Variants in DNAJC13 observed in about 807,000 individuals in gnomAD.
DNAJC13 encodes dnaJ homolog subfamily C member 13.
In DNAJC13, 75 loss-of-function variants were observed where a neutral mutation model predicts 290.5. The ratio of observed to expected loss-of-function variants is 0.26; its 90% CI spans 0.21 to 0.31. The LOEUF is 0.31. Ranked by LOEUF, DNAJC13 falls within the 10% of genes least tolerant of loss-of-function variation. The probability of loss-of-function intolerance (pLI) is 1.00; values close to 1 mark genes in which losing one functional copy is unlikely to be tolerated. For missense variants in DNAJC13, 2,260 were observed against 2,674.5 expected (o/e 0.85, Z 3.42); for synonymous variants, 862 against 892.0 (o/e 0.97, Z 0.60).
intron 1 of DNAJC13, among the ~76,000 whole-genome samples, chr3:132,429,401 C>A (rs1443152537): frequency 2.6e-5 from 4 of 151,972 alleles, no homozygotes; most frequent in Non-Finnish European, 5.9e-5. Context: ...CTGGCCCAAT[C>A]GCTTACCAGC....
At position 132,526,153 on chromosome 3, in the gene DNAJC13, G is replaced by A. The variant is rs759120753; in HGVS notation, c.6253G>A (p.Ala2085Thr). The part of the protein sequence containing the change: ...ALSENELCVR[A>T]MASLETIGPL... ...TTTGGGCACTTAGCTGTGTGTTCGA[G>A]CCATGGCATCTTTAGAGACCATTGG... Residue 2085 changes from alanine to threonine, a missense_variant, in exon 53 of 56, where the codon GCC (alanine) becomes ACC (threonine). By Grantham distance (58) the Ala-to-Thr change is moderately conservative (BLOSUM62 0). Coordinates refer to ENST00000260818, the MANE Select transcript of DNAJC13 (RefSeq NM_015268.4). 3.1e-6 allele frequency: 5 copies of A among 1,614,006 alleles called. No individual in the cohort carries two copies. The highest frequency in any genetic ancestry group is 1.7e-4 in the Middle Eastern group (1 of 6,060).
chr3:132,462,445 CT>C, intron 15 of DNAJC13, 21 bp from the exon 16 acceptor site: 4 of 1,601,702 alleles, frequency 2.5e-6, no homozygotes, highest in South Asian at 1.1e-5. Context: ...TTTTTTGATA[CT>C]TTTTCCCCCT....
At chr3:132,500,530 T>C (rs2107717988) in intron 38 of DNAJC13, among the ~76,000 whole-genome samples, 1 of 152,320 alleles carries the variant, frequency 6.6e-6, no homozygotes, top group East Asian at 1.9e-4. Context: ...CTAAAAACCA[T>C]TCTTAGCTCT....
rs779465430 is a variant in DNAJC13, at chr3:132,514,618, T to C, written c.5433T>C (p.Ala1811=). The change falls in exon 46 of 56, where the codon GCT becomes GCC. Residue 1811 remains alanine (A), a synonymous_variant. Transcript: ENST00000260818. ...ACCAAGACTGTGTCAACAATATTGC[T>C]GAATCAATGGTTTTGTCCAGTTTAT... ...TSNQDCVNNI[A]ESMVLSSLLA... The C allele has an allele frequency of 1.2e-6, 2 of 1,612,082 alleles. No homozygotes were observed. Among genetic ancestry groups the C allele is most frequent in the Non-Finnish European group, 8.5e-7 (1 of 1,179,042 alleles).
intron 29 of DNAJC13, among the ~76,000 whole-genome samples, chr3:132,487,517 A>G (rs1934916790): frequency 6.9e-6 from 1 of 145,348 alleles, no homozygotes; most frequent in South Asian, 2.1e-4. Flanking sequence ...CAGGCCCCCA[A>G]AGTGCTGGGA....
In DNAJC13 at chr3:132,492,613, C is replaced by G. The variant is rs1488445415; in HGVS notation, c.3823C>G (p.Pro1275Ala). 2.5e-6 allele frequency: 4 copies of G among 1,612,844 alleles called. No individual in the cohort carries two copies. In the Admixed American group the frequency reaches 6.7e-5, roughly 27 times the overall value. ...LRFPDWPIKD[P>A]VKLLKDTLDA... ...GTTTCCAGATTGGCCAATTAAAGAC[C>G]CGGTAAGTCAGCAGTTTAATTTGTG... Residue 1275 changes from proline to alanine, a missense_variant and splice_region_variant, in exon 33 of 56, where the codon CCG becomes GCG. Coordinates refer to ENST00000260818, the MANE Select transcript of DNAJC13 (RefSeq NM_015268.4).
rs773114713 is a variant in DNAJC13, at chr3:132,483,536, A to G, written c.3141A>G (p.Ile1047Met). 7.4e-6 allele frequency: 12 copies of G among 1,614,078 alleles called. No individual in the cohort carries two copies. The highest frequency in any genetic ancestry group is 9.3e-6 in the Non-Finnish European group (11 of 1,179,978). ...VLNETDLATL[I>M]LNMLITMCGY... ...ATGAAACTGACCTTGCTACCCTTAT[A>G]TTGAACATGTTGATCACAATGTGTG... The change falls in exon 28 of 56, where the codon ATA becomes ATG. Residue 1047 changes from isoleucine (I) to methionine (M), a missense_variant. Physicochemically the swap from Ile to Met is conservative, Grantham distance 10. Transcript: ENST00000260818.
rs770759640 is a variant in DNAJC13, at chr3:132,502,289, A to C, written c.4537A>C (p.Ser1513Arg). The C allele has an allele frequency of 1.2e-6, 2 of 1,607,356 alleles. No individual in the cohort carries two copies. The highest frequency in any genetic ancestry group is 1.4e-5 in the African/African-American group (1 of 73,832). Residue 1513 changes from serine (S) to arginine (R), a missense_variant and splice_region_variant, in exon 40 of 56, where the codon AGT becomes CGT. By Grantham distance (110) the Ser-to-Arg change is moderately radical. This residue lies in a region of DNAJC13 where 1,494 missense variants were observed against 1,693.7 expected (regional missense o/e 0.88). Transcript: ENST00000260818. ...DLCRVLYFGK[S>R]IPRVAALGVE... ...AATGCTCTCATTTTTATTCTCTCAG[A>C]GTATTCCCCGCGTAGCTGCTCTTGG...
At chr3:132,495,262 C>T (rs2107712503) in intron 35 of DNAJC13, 96 bp downstream of exon 35, 1 of 922,232 alleles carries the variant, frequency 1.1e-6, no homozygotes, top group East Asian at 2.6e-5. Flanking sequence ...CCAGTATCTG[C>T]CTCATAATAT....
chr3:132,493,835 G>T (rs931467350), intron 33 of DNAJC13, among the ~76,000 whole-genome samples: 7 of 151,802 alleles, frequency 4.6e-5, no homozygotes, highest in African/African-American at 7.3e-5. Context: ...CACCCGTAAA[G>T]ATAACATGTA....
At chr3:132,523,074 C>G in intron 49 of DNAJC13, 77 bp downstream of exon 49, 1 of 1,602,578 alleles carries the variant, frequency 6.2e-7, no homozygotes, top group Non-Finnish European at 8.5e-7. Flanking sequence ...TTACTGTGCC[C>G]ATCACCTCTA....
Position 132,488,438 on chromosome 3 carries a change from G to C in DNAJC13, c.3408G>C (p.Val1136=), listed in dbSNP as rs750412571. The C allele has an allele frequency of 1.2e-6, 2 of 1,608,930 alleles. No homozygotes were observed. The highest frequency in any genetic ancestry group is 2.2e-5 in the South Asian group (2 of 89,866). ...FFIMMYTGSN[V]LPVARFLKYT... The stretch of plus-strand genomic sequence containing the variant: ...TCATGATGTACACAGGTTCCAATGT[G>C]CTTCCTGTTGCTCGGTAAGAACTTT... The change falls in exon 30 of 56, where the codon GTG becomes GTC. Residue 1136 remains valine (V), a synonymous_variant. Coordinates refer to ENST00000260818, the MANE Select transcript of DNAJC13 (RefSeq NM_015268.4).
At chr3:132,526,649 A>G (rs1181862223) in intron 53 of DNAJC13, among the ~76,000 whole-genome samples, 2 of 152,170 alleles carry the variant, frequency 1.3e-5, no homozygotes, top group Non-Finnish European at 2.9e-5. Context: ...AATGTGCTTC[A>G]TCCTCTTTGG....
chr3:132,497,049 C>G (rs1935255999), intron 36 of DNAJC13, among the ~76,000 whole-genome samples: 2 of 152,200 alleles, frequency 1.3e-5, no homozygotes, highest in South Asian at 4.1e-4. Flanking sequence ...TTAAAAGCCT[C>G]TGAAGGTTAA....
At position 132,494,619 on chromosome 3, in the gene DNAJC13, C is replaced by A. The variant is rs367630339; in HGVS notation, c.3941+360C>A. Among the ~76,000 whole-genome samples the A allele has an allele frequency of 3.7e-4, 57 of 152,196 alleles. No individual in the cohort carries two copies. In the South Asian group the frequency reaches 8.7e-3, roughly 23 times the overall value. On this transcript the variant is annotated intron_variant, in intron 34 of 55. Transcript: ENST00000260818. Reference sequence around the variant, plus strand: ...AGATTTGATAGCAATATGCCTAGGACACCAAATGACAGATTATGAAAGAAT... The same window carrying A: ...AGATTTGATAGCAATATGCCTAGGAAACCAAATGACAGATTATGAAAGAAT...
Position 132,516,142 on chromosome 3 carries a change from A to G in DNAJC13, c.5486-280A>G, listed in dbSNP as rs3762673. On this transcript the variant is annotated intron_variant, in intron 46 of 55. Coordinates refer to ENST00000260818, the MANE Select transcript of DNAJC13 (RefSeq NM_015268.4). ...GCAGTGCACAATGAGGTAGGAAGAC[A>G]GGGTTTTATAGTGGTTATGAATATG... is the stretch of plus-strand genomic sequence containing the variant. Among the ~76,000 whole-genome samples, 93,748 of 152,106 alleles carry G rather than the reference A, an allele frequency of 0.62. 31,699 individuals are homozygous for G. Among genetic ancestry groups the G allele is most frequent in the East Asian group, 0.9 (4,672 of 5,176 alleles).
At chr3:132,458,061 A>G (rs1933674377) in intron 13 of DNAJC13, 2 of 152,292 alleles carry the variant, frequency 1.3e-5, no homozygotes, top group South Asian at 4.1e-4. Flanking sequence ...GGAGAATAGA[A>G]GTAAAATTAG....
At chr3:132,454,559 C>T (rs752611868) in intron 9 of DNAJC13, among the ~76,000 whole-genome samples, 45 of 151,664 alleles carry the variant, frequency 3.0e-4, no homozygotes, top group Non-Finnish European at 4.9e-4. Flanking sequence ...AGGCTGGTCT[C>T]GAACTCCTGA....
At chr3:132,514,538 G>C in intron 45 of DNAJC13, 33 bp from the exon 46 acceptor site, 1 of 1,524,744 alleles carries the variant, frequency 6.6e-7, no homozygotes, top group Non-Finnish European at 9.0e-7. Flanking sequence ...AATTATTTCT[G>C]AAACTTTTAC....
Sources: gnomAD v4.1 joint callset for allele counts (sites outside exome capture counted in the v4.1 genomes callset) on GRCh38, gnomAD v4.1.1 for gene constraint, gnomAD v4.1.1 regional missense constraint, MANE v1.5 for transcripts, NCBI Gene and HGNC (gene_info 2026-07-23, HGNC 2026-07-21) for gene names.